NRG3: variants seen among roughly 807,000 people sequenced by gnomAD.
NRG3 encodes pro-neuregulin-3, membrane-bound isoform.
A neutral mutation model predicts 66.9 loss-of-function variants in NRG3; 31 were observed. The observed-to-expected ratio is 0.46, with a 90% CI of 0.35 to 0.63. NRG3 has a LOEUF of 0.63. Among genes scored for constraint, NRG3 ranks in the 20% least tolerant of loss-of-function variants. The probability of loss-of-function intolerance (pLI) is 0.00; values close to 1 mark genes in which losing one functional copy is unlikely to be tolerated. For missense variants in NRG3, 910 were observed against 878.9 expected (o/e 1.04, Z -0.45); for synonymous variants, 393 against 359.4 (o/e 1.09, Z -1.06).
chr10:82,098,084 C>G (rs1305392891), intron 1 of NRG3, among the ~76,000 whole-genome samples: 1 of 146,254 alleles, frequency 6.8e-6, no homozygotes, highest in Admixed American at 6.8e-5. Context: ...CACACACACA[C>G]ACATCATATA....
At chr10:82,647,940 C>T (rs1462550199) in intron 2 of NRG3, among the ~76,000 whole-genome samples, 1 of 146,234 alleles carries the variant, frequency 6.8e-6, no homozygotes, top group African/African-American at 2.5e-5. Flanking sequence ...AAAATTTTCT[C>T]CCATTTTGTA....
intron 1 of NRG3, among the ~76,000 whole-genome samples, chr10:82,057,864 G>T (rs969081150): frequency 2.0e-5 from 3 of 152,008 alleles, no homozygotes; most frequent in Admixed American, 2.0e-4. Context: ...TTATTTGCAT[G>T]GCCGACTAAA....
intron 1 of NRG3, among the ~76,000 whole-genome samples, chr10:82,018,034 C>G (rs1461212934): frequency 6.6e-6 from 1 of 151,396 alleles, no homozygotes; most frequent in African/African-American, 2.4e-5. Flanking sequence ...TCTTGAATTG[C>G]CTAGGCTTTC....
chr10:82,832,952 C>A (rs1249777811), intron 3 of NRG3, among the ~76,000 whole-genome samples: 1 of 152,086 alleles, frequency 6.6e-6, no homozygotes, highest in African/African-American at 2.4e-5. Context: ...AACCTGTGCT[C>A]AGTACCAAAC....
intron 4 of NRG3, among the ~76,000 whole-genome samples, chr10:82,880,535 G>A (rs1354192591): frequency 1.3e-5 from 2 of 152,122 alleles, no homozygotes; most frequent in African/African-American, 4.8e-5. Context: ...TGTCTCTAAA[G>A]CTTGAACTAT....
intron 1 of NRG3, among the ~76,000 whole-genome samples, chr10:82,316,547 G>A (rs575418047): frequency 1.3e-5 from 2 of 152,224 alleles, no homozygotes; most frequent in South Asian, 4.1e-4. Context: ...AAATGAAGGG[G>A]TGGGACCAGA....
intron 2 of NRG3, 64 bp from the exon 3 acceptor site, chr10:82,738,513 T>A (rs2058264649): frequency 4.7e-6 from 6 of 1,270,040 alleles, no homozygotes; most frequent in Middle Eastern, 1.9e-4. Context: ...GCTATTTTAC[T>A]TGTTGAAATC....
At chr10:82,574,052 G>T (rs2045896621) in intron 2 of NRG3, among the ~76,000 whole-genome samples, 1 of 151,718 alleles carries the variant, frequency 6.6e-6, no homozygotes, top group Admixed American at 6.6e-5. Context: ...CAAATGAAAT[G>T]AAATCAAAAT....
chr10:82,002,673 T>G (rs975746602), intron 1 of NRG3, among the ~76,000 whole-genome samples: 1 of 152,156 alleles, frequency 6.6e-6, no homozygotes, highest in Non-Finnish European at 1.5e-5. Context: ...AAATATTATA[T>G]GGTTTTGGCT....
At position 82,836,224 on chromosome 10, in the gene NRG3, C is replaced by T. The variant is rs547426911; in HGVS notation, c.1028-29187C>T. Among the ~76,000 whole-genome samples, 8 of 152,034 alleles carry T rather than the reference C, an allele frequency of 5.3e-5. 1 individual carries two copies. In the South Asian group the frequency reaches 1.7e-3, roughly 32 times the overall value. On this transcript the variant is annotated intron_variant, in intron 3 of 8. Transcript: ENST00000372141. ...ACAGTTGCAATAGCAACCTTCTGGC[C>T]CCCATAGCCTAAAATATTTACTATC...
intron 2 of NRG3, among the ~76,000 whole-genome samples, chr10:82,726,666 A>G (rs576592592): frequency 6.6e-6 from 1 of 152,264 alleles, no homozygotes; most frequent in African/African-American, 2.4e-5. Context: ...CAGAGTGAAA[A>G]TGGACTAATA....
chr10:82,727,375 T>A (rs1165097997), intron 2 of NRG3, among the ~76,000 whole-genome samples: 1 of 152,194 alleles, frequency 6.6e-6, no homozygotes, highest in Non-Finnish European at 1.5e-5. Flanking sequence ...CTCTGCTATG[T>A]GCAGTCTAGG....
intron 1 of NRG3, among the ~76,000 whole-genome samples, chr10:81,976,598 C>T (rs754022822): frequency 7.2e-5 from 11 of 152,082 alleles, no homozygotes; most frequent in African/African-American, 1.2e-4. Context: ...TTTCAAAGAA[C>T]GTGACATGAC....
intron 1 of NRG3, among the ~76,000 whole-genome samples, chr10:82,192,044 C>A (rs535104015): frequency 6.6e-5 from 10 of 152,210 alleles, no homozygotes; most frequent in African/African-American, 2.2e-4. Flanking sequence ...ATTGATTTTC[C>A]TTCTCAAAAC....
intron 2 of NRG3, among the ~76,000 whole-genome samples, chr10:82,512,612 C>G (rs1290490389): frequency 6.6e-6 from 1 of 152,126 alleles, no homozygotes; most frequent in Admixed American, 6.5e-5. Flanking sequence ...CCAACCTGCC[C>G]AAGGCCTACT....
At chr10:81,963,182 G>A (rs889774102) in intron 1 of NRG3, among the ~76,000 whole-genome samples, 8 of 121,428 alleles carry the variant, frequency 6.6e-5, no homozygotes, top group Admixed American at 2.1e-4. Context: ...CGCCCAGGCT[G>A]GAGTGCAGTG....
chr10:81,879,697 T>G (rs1842007489), intron 1 of NRG3, among the ~76,000 whole-genome samples: 1 of 152,230 alleles, frequency 6.6e-6, no homozygotes, highest in African/African-American at 2.4e-5. Flanking sequence ...GGAGGCAATT[T>G]TAATTTAATC....
At chr10:82,266,739 T>G (rs776848282) in intron 1 of NRG3, among the ~76,000 whole-genome samples, 1 of 152,092 alleles carries the variant, frequency 6.6e-6, no homozygotes, top group Non-Finnish European at 1.5e-5. Context: ...GAAGCTAAGC[T>G]AAAGAGATGT....
intron 1 of NRG3, among the ~76,000 whole-genome samples, chr10:82,314,683 G>A (rs530348418): frequency 3.9e-5 from 6 of 152,168 alleles, no homozygotes; most frequent in South Asian, 4.2e-4. Context: ...GGTGGCGGGC[G>A]CCTGTAATCT....
Sources: gnomAD v4.1 joint callset for allele counts (sites outside exome capture counted in the v4.1 genomes callset) on GRCh38, gnomAD v4.1.1 for gene constraint, MANE v1.5 for transcripts, NCBI Gene and HGNC (gene_info 2026-07-23, HGNC 2026-07-21) for gene names.